Variants in DAB1 observed in about 807,000 individuals in gnomAD.
DAB1 encodes disabled homolog 1.
DAB1 carries 15 observed loss-of-function variants against 64.6 expected under a neutral mutation model. That is an observed-to-expected ratio of 0.23 (90% CI 0.16 to 0.36). The LOEUF (loss-of-function observed/expected upper bound fraction) is 0.36. Among genes scored for constraint, DAB1 ranks in the 10% least tolerant of loss-of-function variants. DAB1 has a pLI of 1.00. For synonymous variants in DAB1, 235 were observed against 251.9 expected (o/e 0.93, Z 0.64); for missense variants, 596 against 706.7 (o/e 0.84, Z 1.78).
intron 4 of DAB1, among the ~76,000 whole-genome samples, chr1:58,323,215 T>G (rs996385045): frequency 6.7e-6 from 1 of 149,676 alleles, no homozygotes; most frequent in Non-Finnish European, 1.5e-5. Flanking sequence ...GTTGTGCACA[T>G]GTACCTTAGA....
chr1:58,025,657 A>G lies in DAB1; in HGVS notation n.387+124854T>C, dbSNP rs4281344. Reference sequence around the variant, plus strand: ...ATATTATATATATATGTGTGTATATATATATATATATATATATATATATAT... The same window carrying G: ...ATATTATATATATATGTGTGTATATGTATATATATATATATATATATATAT... On this transcript the variant is annotated intron_variant and non_coding_transcript_variant, in intron 5 of 20. Coordinates refer to the DAB1 transcript ENST00000485760. Among the ~76,000 whole-genome samples, 127 of 125,256 alleles carry G rather than the reference A, an allele frequency of 1.0e-3. 2 individuals carry two copies. Among genetic ancestry groups the G allele is most frequent in the Middle Eastern group, 3.8e-3 (1 of 260 alleles). 82.2% of individuals were successfully genotyped at this position (125,256 alleles called of 152,430 possible). A position where few individuals can be genotyped will look rare whatever the true frequency, so the allele number is the denominator to read the frequency against.
chr1:57,887,467 C>A (rs1327535994), upstream of DAB1, among the ~76,000 whole-genome samples: 1 of 152,216 alleles, frequency 6.6e-6, no homozygotes, highest in Non-Finnish European at 1.5e-5. Flanking sequence ...AAAAGTCCTT[C>A]AATCTGCCAG....
intron 4 of DAB1, among the ~76,000 whole-genome samples, chr1:58,208,717 C>T (rs970366843): frequency 6.6e-6 from 1 of 152,116 alleles, no homozygotes; most frequent in African/African-American, 2.4e-5. Flanking sequence ...TGGTTCCATG[C>T]TTTTGCAATT....
intron 2 of DAB1, among the ~76,000 whole-genome samples, chr1:57,146,651 T>C (rs1011636046): frequency 1.3e-5 from 2 of 152,218 alleles, no homozygotes; most frequent in Non-Finnish European, 2.9e-5. Context: ...AAACACAACT[T>C]TCATTTCATT....
At chr1:57,280,554 G>A (rs1671806942) in intron 2 of DAB1, among the ~76,000 whole-genome samples, 1 of 152,222 alleles carries the variant, frequency 6.6e-6, no homozygotes, top group Non-Finnish European at 1.5e-5. Context: ...GAGGGCTAAT[G>A]TGAAGAGCTT....
intron 9 of DAB1, among the ~76,000 whole-genome samples, chr1:57,028,479 A>G (rs1013282546): frequency 1.3e-5 from 2 of 152,218 alleles, no homozygotes; most frequent in African/African-American, 4.8e-5. Context: ...CTGAAAAGAT[A>G]CCCAAAAATG....
chr1:57,451,545 T>C (rs535094395), intron 7 of DAB1, among the ~76,000 whole-genome samples: 3 of 152,350 alleles, frequency 2.0e-5, no homozygotes, highest in African/African-American at 7.2e-5. Flanking sequence ...GATCTCTAAA[T>C]CTCATGCACA....
At chr1:57,107,001 C>A (rs914642238) in intron 4 of DAB1, among the ~76,000 whole-genome samples, 2 of 152,104 alleles carry the variant, frequency 1.3e-5, no homozygotes, top group African/African-American at 4.8e-5. Context: ...CAACTTCAGG[C>A]ATCATTGTGT....
At chr1:57,701,221 T>A (rs1646904182) in intron 6 of DAB1, among the ~76,000 whole-genome samples, 1 of 151,980 alleles carries the variant, frequency 6.6e-6, no homozygotes, top group African/African-American at 2.4e-5. Context: ...CCCAAAGGAT[T>A]ATAAATCATG....
intron 3 of DAB1, among the ~76,000 whole-genome samples, chr1:58,375,862 C>T (rs1644319348): frequency 6.9e-6 from 1 of 145,754 alleles, no homozygotes; most frequent in African/African-American, 2.5e-5. Context: ...ATTTCAGCTC[C>T]TGTTATTGGT....
chr1:57,881,463 C>T (rs540264185), intron 1 of DAB1, among the ~76,000 whole-genome samples: 3 of 152,226 alleles, frequency 2.0e-5, no homozygotes, highest in African/African-American at 7.2e-5. Flanking sequence ...GGGTCAAGTC[C>T]CAGATTTGCA....
At chr1:57,287,275 A>G (rs1284577839) in intron 2 of DAB1, among the ~76,000 whole-genome samples, 1 of 152,122 alleles carries the variant, frequency 6.6e-6, no homozygotes, top group Admixed American at 6.5e-5. Context: ...GGGTTTCACC[A>G]TGTTGCCCAG....
At chr1:58,402,548 T>G (rs1644580485) in intron 3 of DAB1, among the ~76,000 whole-genome samples, 1 of 151,842 alleles carries the variant, frequency 6.6e-6, no homozygotes, top group Non-Finnish European at 1.5e-5. Flanking sequence ...AAGCAAAACC[T>G]GTTGTATCTC....
intron 4 of DAB1, among the ~76,000 whole-genome samples, chr1:58,300,774 G>A (rs1016221867): frequency 4.6e-5 from 7 of 151,906 alleles, no homozygotes; most frequent in Non-Finnish European, 1.0e-4. Flanking sequence ...TCACTGAGAT[G>A]GCAGAGGCAG....
chr1:57,795,049 G>A (rs1183717723), intron 6 of DAB1, among the ~76,000 whole-genome samples: 1 of 152,258 alleles, frequency 6.6e-6, no homozygotes, highest in African/African-American at 2.4e-5. Context: ...TCAATGGAAT[G>A]ACCCATGTCA....
chr1:58,537,513 AAGG>A (rs1646536513), intron 1 of DAB1, among the ~76,000 whole-genome samples: 1 of 152,024 alleles, frequency 6.6e-6, no homozygotes. Flanking sequence ...AACATCTGAG[AAGG>A]TCCAATTTCT....
intron 3 of DAB1, among the ~76,000 whole-genome samples, chr1:58,379,565 T>G (rs553339929): frequency 3.3e-5 from 5 of 152,316 alleles, no homozygotes; most frequent in African/African-American, 1.2e-4. Flanking sequence ...TTATGACAAA[T>G]TAGATGAAAA....
intron 1 of DAB1, chr1:57,826,466 A>G (rs1242020084): frequency 6.6e-6 from 1 of 152,258 alleles, no homozygotes; most frequent in Non-Finnish European, 1.5e-5. Context: ...CTGCAGGAAA[A>G]CTAGGAATTA....
intron 3 of DAB1, among the ~76,000 whole-genome samples, chr1:58,407,848 C>G (rs534635654): frequency 1.3e-5 from 2 of 152,114 alleles, no homozygotes; most frequent in East Asian, 1.9e-4. Context: ...TACTAAAAAC[C>G]CTTCCAAAAA....
Sources: allele counts gnomAD v4.1 joint callset (sites outside exome capture counted in the v4.1 genomes callset), GRCh38; gene constraint gnomAD v4.1.1; transcripts MANE v1.5; gene names NCBI Gene and HGNC (gene_info 2026-07-23, HGNC 2026-07-21).